The following CADM2 variants were observed in gnomAD, a reference collection of about 807,000 sequenced individuals.
The protein encoded by CADM2 is immunoglobulin superfamily member 4D.
A neutral mutation model predicts 49.8 loss-of-function variants in CADM2; 12 were observed. That is an observed-to-expected ratio of 0.24 (90% CI 0.15 to 0.39). CADM2 has a LOEUF of 0.39. Among genes scored for constraint, CADM2 ranks in the 10% least tolerant of loss-of-function variants. The pLI is 1.00. For synonymous variants in CADM2, 214 were observed against 175.4 expected, an observed-to-expected ratio of 1.22 and a Z score of -1.74; for missense variants, 378 against 492.3, an observed-to-expected ratio of 0.77 and a Z score of 2.20.
At chr3:85,146,464 G>A (rs13059287) in intron 1 of CADM2, among the ~76,000 whole-genome samples, 82,526 of 151,782 alleles carry the variant, frequency 0.54, 23,096 homozygotes, top group Non-Finnish European at 0.59. Flanking sequence ...TGGTATCTTA[G>A]ATCTATAAAC....
intron 1 of CADM2, chr3:85,511,871 CA>C: frequency 1.0e-6 from 1 of 983,084 alleles, no homozygotes; most frequent in Non-Finnish European, 1.2e-6. Flanking sequence ...GCACATTAAT[CA>C]TTCCAGTGTA....
chr3:85,093,759 C>T (rs918066247), intron 1 of CADM2, among the ~76,000 whole-genome samples: 1 of 152,034 alleles, frequency 6.6e-6, no homozygotes, highest in Non-Finnish European at 1.5e-5. Context: ...CCACTGTACT[C>T]TAAGAGAGGG....
chr3:85,815,328 T>G (rs1237982294), intron 3 of CADM2, among the ~76,000 whole-genome samples: 2 of 152,054 alleles, frequency 1.3e-5, no homozygotes, highest in African/African-American at 2.4e-5. Flanking sequence ...CTGATGAACA[T>G]CGATGCGAAA....
intron 1 of CADM2, among the ~76,000 whole-genome samples, chr3:85,641,929 T>C (rs1319860009): frequency 7.3e-5 from 11 of 151,636 alleles, no homozygotes; most frequent in Admixed American, 5.9e-4. Flanking sequence ...AGACTCCGTC[T>C]CAAAAAAAAT....
intron 6 of CADM2, among the ~76,000 whole-genome samples, chr3:85,921,180 A>G (rs1202549617): frequency 6.6e-6 from 1 of 151,996 alleles, no homozygotes; most frequent in Non-Finnish European, 1.5e-5. Flanking sequence ...CTTTCAATTT[A>G]ATAACTTATT....
At position 85,483,775 on chromosome 3, in the gene CADM2, G is replaced by C. The variant is rs561478015; in HGVS notation, c.62-242747G>C. 1.1e-4 allele frequency among the ~76,000 whole-genome samples: 16 copies of C among 151,108 alleles called. No individual in the cohort carries two copies. The East Asian group carries it at 2.9e-3, about 27-fold the overall frequency. ...GAATAAGGAGTAATATATTATTTTT[G>C]AAACTACTGTTATTCTTACTTATAT... On this transcript the variant is annotated intron_variant, in intron 1 of 9. Transcript: ENST00000383699.
chr3:85,365,494 T>C (rs1415084479), intron 1 of CADM2, among the ~76,000 whole-genome samples: 4 of 152,154 alleles, frequency 2.6e-5, no homozygotes, highest in Admixed American at 2.6e-4. Flanking sequence ...GTAATAGCCT[T>C]GGTTGACAGA....
chr3:85,922,527 C>T (rs1719259371), intron 6 of CADM2, among the ~76,000 whole-genome samples: 1 of 151,892 alleles, frequency 6.6e-6, no homozygotes, highest in South Asian at 2.1e-4. Context: ...ATCTATTTCT[C>T]TGGCTTTAAT....
chr3:85,434,877 T>A (rs921266773), intron 1 of CADM2, among the ~76,000 whole-genome samples: 2 of 152,132 alleles, frequency 1.3e-5, no homozygotes, highest in Non-Finnish European at 2.9e-5. Context: ...TCGCTTTGAC[T>A]GTTGGTAATT....
At chr3:85,218,322 AAGATTTTG>A in intron 1 of CADM2, among the ~76,000 whole-genome samples, 1 of 152,266 alleles carries the variant, frequency 6.6e-6, no homozygotes, top group South Asian at 2.1e-4. Flanking sequence ...GTTGTTATAA[AAGATTTTG>A]AGAATGTGTA....
At chr3:86,060,245 A>G (rs1388771311) in intron 8 of CADM2, among the ~76,000 whole-genome samples, 1 of 152,124 alleles carries the variant, frequency 6.6e-6, no homozygotes, top group East Asian at 1.9e-4. Context: ...GGAAAGAGAA[A>G]ATGGCCTATA....
intron 6 of CADM2, among the ~76,000 whole-genome samples, chr3:85,928,309 C>T (rs1158769986): frequency 1.3e-5 from 2 of 152,068 alleles, no homozygotes; most frequent in African/African-American, 4.8e-5. Context: ...CAGGCGCATG[C>T]CATCATGCCC....
At chr3:85,718,882 T>A (rs927996686) in intron 1 of CADM2, among the ~76,000 whole-genome samples, 10 of 141,344 alleles carry the variant, frequency 7.1e-5, no homozygotes, top group Non-Finnish European at 1.2e-4. Context: ...TTAATGGTAT[T>A]TTATTATTAT....
At chr3:85,395,396 C>G (rs147549522) in intron 1 of CADM2, among the ~76,000 whole-genome samples, 184 of 150,452 alleles carry the variant, frequency 1.2e-3, no homozygotes, top group African/African-American at 4.2e-3. Flanking sequence ...ATACTTAAAT[C>G]TAATGTAACA....
chr3:84,972,833 TAC>T (rs879304708), intron 1 of CADM2, among the ~76,000 whole-genome samples: 17 of 152,232 alleles, frequency 1.1e-4, no homozygotes, highest in Non-Finnish European at 2.5e-4. Flanking sequence ...TTATGGAGTT[TAC>T]AGTCTAGTGT....
intron 1 of CADM2, among the ~76,000 whole-genome samples, chr3:85,573,860 G>A (rs2062553126): frequency 6.6e-6 from 1 of 152,052 alleles, no homozygotes; most frequent in Admixed American, 6.6e-5. Context: ...TGCCCACAGA[G>A]ACCAATCCTC....
intron 1 of CADM2, among the ~76,000 whole-genome samples, chr3:85,220,510 T>G (rs1482167535): frequency 6.6e-6 from 1 of 152,146 alleles, no homozygotes; most frequent in Non-Finnish European, 1.5e-5. Context: ...CTTGAGAGTA[T>G]CTTGGTATCT....
chr3:85,316,276 A>G (rs2044462324), intron 1 of CADM2, among the ~76,000 whole-genome samples: 1 of 152,176 alleles, frequency 6.6e-6, no homozygotes, highest in Non-Finnish European at 1.5e-5. Flanking sequence ...TTAAAAATGT[A>G]TGTTTACTTT....
intron 1 of CADM2, among the ~76,000 whole-genome samples, chr3:85,186,998 C>A (rs892535339): frequency 9.2e-5 from 14 of 151,988 alleles, no homozygotes; most frequent in African/African-American, 2.2e-4. Flanking sequence ...AATGCAAGTT[C>A]TTTTTACAGT....
Sources: allele counts gnomAD v4.1 joint callset (sites outside exome capture counted in the v4.1 genomes callset), GRCh38; gene constraint gnomAD v4.1.1; transcripts MANE v1.5; gene names NCBI Gene and HGNC (gene_info 2026-07-23, HGNC 2026-07-21).